The following APLP2 variants were observed in gnomAD, a reference collection of about 807,000 sequenced individuals.
The protein encoded by APLP2 is CDEI box-binding protein.
Under a neutral mutation model 89.9 loss-of-function variants are expected in APLP2, and 53 were observed. The ratio of observed to expected loss-of-function variants is 0.59; its 90% CI spans 0.47 to 0.74. The LOEUF (loss-of-function observed/expected upper bound fraction) is 0.74. Ranked by LOEUF, APLP2 falls within the 30% of genes least tolerant of loss-of-function variation. The pLI, the probability that APLP2 is intolerant of heterozygous loss-of-function variation, is 0.00. For synonymous variants in APLP2, 372 were observed against 348.6 expected, an observed-to-expected ratio of 1.07 and a Z score of -0.75; for missense variants, 973 against 975.9, an observed-to-expected ratio of 1.00 and a Z score of 0.04.
chr11:130,071,449 G>C (rs1212173684), intron 1 of APLP2, among the ~76,000 whole-genome samples: 2 of 152,154 alleles, frequency 1.3e-5, no homozygotes, highest in Non-Finnish European at 1.5e-5. Flanking sequence ...ACAATGGTCA[G>C]AGTTGTATCT....
chr11:130,126,540 G>A (rs994319070), intron 7 of APLP2, among the ~76,000 whole-genome samples, 160 bp from the exon 8 acceptor site: 2 of 152,204 alleles, frequency 1.3e-5, no homozygotes. Context: ...ATTGCCCACT[G>A]TAATCTAACC....
In APLP2 at chr11:130,122,494, A is replaced by T; in HGVS notation, c.903A>T (p.Glu301Asp). ...PGSDGTMSDK[E>D]ITHDVKAVCS... The stretch of plus-strand genomic sequence containing the variant: ...GCGACGGCACCATGTCAGACAAGGA[A>T]ATTACTCATGATGTCAAAGGTAACC... The change falls in exon 6 of 17, where the codon GAA becomes GAT. Residue 301 changes from glutamate (E) to aspartate (D), a missense_variant. Physicochemically the swap from Glu to Asp is conservative, Grantham distance 45. Transcript: ENST00000338167. The T allele has an allele frequency of 6.2e-7, 1 of 1,614,054 alleles. No individual in the cohort carries two copies. Among genetic ancestry groups the T allele is most frequent in the Non-Finnish European group, 8.5e-7 (1 of 1,179,932 alleles).
intron 1 of APLP2, among the ~76,000 whole-genome samples, chr11:130,096,462 A>C (rs938043458): frequency 1.2e-4 from 19 of 152,188 alleles, no homozygotes; most frequent in Admixed American, 4.6e-4. Context: ...TCATGCCTGT[A>C]ATCCCAACAC....
chr11:130,108,116 A>T (rs1948041625), intron 1 of APLP2, among the ~76,000 whole-genome samples: 1 of 152,248 alleles, frequency 6.6e-6, no homozygotes, highest in Admixed American at 6.5e-5. Flanking sequence ...AAAACCCCAG[A>T]AGAAAACCTA....
At chr11:130,099,786 C>T (rs1418832372) in intron 1 of APLP2, among the ~76,000 whole-genome samples, 1 of 152,238 alleles carries the variant, frequency 6.6e-6, no homozygotes, top group East Asian at 1.9e-4. Flanking sequence ...TTTGTGGCCT[C>T]TTCCCTTGTG....
rs1397323255 is a variant in APLP2 at position 130,069,985 on chromosome 11, C to T, written c.8C>T (p.Ala3Val). 2.7e-6 allele frequency: 4 copies of T among 1,503,724 alleles called. No individual in the cohort carries two copies. The highest frequency in any genetic ancestry group is 1.8e-6 in the Non-Finnish European group (2 of 1,130,906). The allele number at this position is 1,503,724 out of a possible 1,614,324, so 93.1% of individuals were successfully genotyped here. MA[A>V]TGTAAAAATG... ...AGAGCGACCCGGCGAGGGATGGCGGCCACCGGGACCGCGGCCGCCGCAGCC... is the reference window on the plus strand; with the variant it reads ...AGAGCGACCCGGCGAGGGATGGCGGTCACCGGGACCGCGGCCGCCGCAGCC... Residue 3 changes from alanine to valine, a missense_variant, in exon 1 of 17, where the codon GCC (alanine) becomes GTC (valine). Coordinates refer to ENST00000338167, the MANE Select transcript of APLP2 (RefSeq NM_001142276.2).
chr11:130,080,438 C>T (rs1942947465), intron 1 of APLP2, among the ~76,000 whole-genome samples: 1 of 151,962 alleles, frequency 6.6e-6, no homozygotes, highest in Non-Finnish European at 1.5e-5. Flanking sequence ...CTCCTGACCT[C>T]AAGTGATCCA....
At position 130,141,364 on chromosome 11, in the gene APLP2, T is replaced by G; in HGVS notation, c.1924-134T>G. 6 of 686,752 alleles carry G rather than the reference T, an allele frequency of 8.7e-6. No individual in the cohort carries two copies. In the South Asian group the frequency reaches 1.1e-4, roughly 12 times the overall value. 42.5% of individuals were successfully genotyped at this position (686,752 alleles called of 1,614,324 possible). On this transcript the variant is annotated intron_variant, in intron 14 of 16. Transcript: ENST00000338167. The surrounding 1 kb of genome is among the most constrained non-coding windows in gnomAD (Gnocchi z 4.2). ...TGGATTTGGAAGGCTGTGACAGAAC[T>G]GGTTGGTTAATGGGGGTCCCACAGG...
At chr11:130,129,932 C>T in intron 10 of APLP2, 106 bp from the exon 11 acceptor site, 1 of 1,289,016 alleles carries the variant, frequency 7.8e-7, no homozygotes, top group South Asian at 1.4e-5. Context: ...CATTCTTGTG[C>T]CTAGCTGAGC....
chr11:130,095,158 G>A (rs1182895130), intron 1 of APLP2, among the ~76,000 whole-genome samples: 3 of 152,174 alleles, frequency 2.0e-5, no homozygotes, highest in Admixed American at 6.5e-5. Context: ...AGCTCTTTGG[G>A]AGGCTGAGGC....
In APLP2 at chr11:130,120,825, G is replaced by A. The variant is rs772402598; in HGVS notation, c.516+7G>A. 3.8e-6 allele frequency: 6 copies of A among 1,596,996 alleles called. No individual in the cohort carries two copies. In the African/African-American group the frequency reaches 6.7e-5, roughly 18 times the overall value. Reference sequence around the variant, plus strand: ...GCACACGGTAGTCAAAGAGGTAAGAGAACTCGGGGGGAAAGTCAGCTGCTG... The same window carrying A: ...GCACACGGTAGTCAAAGAGGTAAGAAAACTCGGGGGGAAAGTCAGCTGCTG... On this transcript the variant is annotated splice_region_variant and intron_variant, in intron 4 of 16. Transcript: ENST00000338167.
intron 1 of APLP2, among the ~76,000 whole-genome samples, chr11:130,091,613 C>A (rs1591780115): frequency 7.5e-6 from 1 of 134,132 alleles, no homozygotes; most frequent in East Asian, 2.6e-4. Flanking sequence ...CATCTCCCTC[C>A]CAGACGGGGT....
chr11:130,113,145 G>T (rs971432429), intron 3 of APLP2, among the ~76,000 whole-genome samples: 6 of 152,130 alleles, frequency 3.9e-5, no homozygotes, highest in Admixed American at 2.6e-4. Flanking sequence ...TGCCAGCAGC[G>T]ACCCTGTTTT....
chr11:130,072,580 G>T (rs1941326532), intron 1 of APLP2, among the ~76,000 whole-genome samples: 1 of 150,786 alleles, frequency 6.6e-6, no homozygotes, highest in Admixed American at 6.6e-5. Flanking sequence ...GAGTTCAAGC[G>T]ATTCTCCTGC....
intron 1 of APLP2, chr11:130,070,536 G>A (rs1470259284): frequency 1.0e-5 from 13 of 1,266,126 alleles, no homozygotes; most frequent in Middle Eastern, 3.1e-4. Context: ...CCTCGGCTCC[G>A]GGCCTCCCAC....
intron 2 of APLP2, 145 bp downstream of exon 2, chr11:130,109,747 A>G: frequency 2.4e-6 from 2 of 850,334 alleles, no homozygotes; most frequent in Non-Finnish European, 3.4e-6. Flanking sequence ...TTGTTTCTAA[A>G]TGTGTGGCAT....
At chr11:130,105,781 G>A (rs539149427) in intron 1 of APLP2, among the ~76,000 whole-genome samples, 93 of 142,148 alleles carry the variant, frequency 6.5e-4, no homozygotes, top group African/African-American at 2.4e-3. Flanking sequence ...TCTGCTCACC[G>A]CAACATCTGC....
chr11:130,112,726 T>C (rs917883910), intron 3 of APLP2, among the ~76,000 whole-genome samples: 1 of 152,164 alleles, frequency 6.6e-6, no homozygotes, highest in Non-Finnish European at 1.5e-5. Context: ...ATCTGTTGCC[T>C]GCAGATTGAA....
Position 130,141,765 on chromosome 11 carries a change from C to G in APLP2, c.1999-154C>G. On this transcript the variant is annotated intron_variant, in intron 15 of 16. Transcript: ENST00000338167. This position sits in a 1 kb window ranked among gnomAD's most constrained non-coding sequence, Gnocchi z 4.2. ...GGAGATTGGGAAGAGTGGGCGTTCT[C>G]CACCTGTGGGTGGTTCCCTGCAAAG... 2 of 992,062 alleles carry G rather than the reference C, an allele frequency of 2.0e-6. No homozygotes were observed. Among genetic ancestry groups the G allele is most frequent in the South Asian group, 3.3e-5 (2 of 60,248 alleles). The allele number at this position is 992,062 out of a possible 1,614,324, so 61.5% of individuals were successfully genotyped here.
Sources: gnomAD v4.1 joint callset for allele counts (sites outside exome capture counted in the v4.1 genomes callset) on GRCh38, gnomAD v4.1.1 for gene constraint, Gnocchi (gnomAD v3.1) non-coding constraint, MANE v1.5 for transcripts, NCBI Gene and HGNC (gene_info 2026-07-23, HGNC 2026-07-21) for gene names.